TTC7B: variants seen among roughly 807,000 people sequenced by gnomAD.
TTC7B encodes the protein tetratricopeptide repeat domain 7B.
In TTC7B, 28 loss-of-function variants were observed where a neutral mutation model predicts 106.8. The ratio of observed to expected loss-of-function variants is 0.26; its 90% CI spans 0.19 to 0.36. The LOEUF (loss-of-function observed/expected upper bound fraction) is 0.36, where lower values mean the gene tolerates loss of function less well. Among genes scored for constraint, TTC7B ranks in the 10% least tolerant of loss-of-function variants. The probability of loss-of-function intolerance (pLI) is 1.00; values close to 1 mark genes in which losing one functional copy is unlikely to be tolerated. For missense variants in TTC7B, 862 were observed against 1,076.4 expected, an observed-to-expected ratio of 0.80 and a Z score of 2.79; for synonymous variants, 405 against 430.6, an observed-to-expected ratio of 0.94 and a Z score of 0.74.
chr14:90,736,006 G>A (rs1889508100), intron 4 of TTC7B, among the ~76,000 whole-genome samples: 1 of 152,080 alleles, frequency 6.6e-6, no homozygotes, highest in African/African-American at 2.4e-5. Flanking sequence ...ACAGTGTCAT[G>A]TTGGTACAAC....
At chr14:90,723,415 C>G (rs1888969236) in intron 5 of TTC7B, among the ~76,000 whole-genome samples, 1 of 152,242 alleles carries the variant, frequency 6.6e-6, no homozygotes, top group Non-Finnish European at 1.5e-5. Flanking sequence ...CCATCACTCT[C>G]CCACTATATG....
intron 3 of TTC7B, among the ~76,000 whole-genome samples, chr14:90,748,093 T>C (rs1233802024): frequency 6.6e-6 from 1 of 152,228 alleles, no homozygotes; most frequent in Non-Finnish European, 1.5e-5. Context: ...TCTCTAACTT[T>C]TAAATAGGGT....
At chr14:90,640,979 A>G (rs1296392) in intron 15 of TTC7B, among the ~76,000 whole-genome samples, 8,052 of 152,236 alleles carry the variant, frequency 0.053, 691 homozygotes, top group African/African-American at 0.18. Context: ...TACTGGACTA[A>G]CCCTATAACA....
intron 3 of TTC7B, among the ~76,000 whole-genome samples, chr14:90,754,627 T>C (rs1324268428): frequency 6.6e-6 from 1 of 152,204 alleles, no homozygotes; most frequent in African/African-American, 2.4e-5. Flanking sequence ...CCATTAAAAG[T>C]GTACAGTTCG....
intron 19 of TTC7B, among the ~76,000 whole-genome samples, chr14:90,567,920 T>G (rs1255143520): frequency 2.0e-5 from 3 of 152,220 alleles, no homozygotes; most frequent in African/African-American, 7.2e-5. Context: ...ATATTCTCCC[T>G]AGACCTTTGG....
chr14:90,738,806 C>T (rs1366050920), intron 4 of TTC7B, among the ~76,000 whole-genome samples: 3 of 152,252 alleles, frequency 2.0e-5, no homozygotes, highest in South Asian at 2.1e-4. Context: ...TTCATCGTAT[C>T]GCAGAGGCCA....
rs151274032 is a variant in TTC7B at position 90,644,006 on chromosome 14, T to C, written c.1751+42A>G. ...AAGGCAGGGGAAGAAGTAAATTTAA[T>C]AACTTCTGAGTAAGGGAAAACCAAA... On this transcript the variant is annotated intron_variant, in intron 15 of 19. Transcript: ENST00000328459. The C allele has an allele frequency of 1.3e-3, 2,109 of 1,612,744 alleles. 36 individuals carry two copies. The African/African-American group carries it at 0.024, about 18-fold the overall frequency.
chr14:90,740,981 C>T (rs764242863), intron 4 of TTC7B, among the ~76,000 whole-genome samples: 1 of 152,190 alleles, frequency 6.6e-6, no homozygotes, highest in Non-Finnish European at 1.5e-5. Context: ...AGTTAACCCA[C>T]CTCACCTCAC....
At chr14:90,690,003 CT>C (rs1217079420) in intron 6 of TTC7B, among the ~76,000 whole-genome samples, 5 of 152,216 alleles carry the variant, frequency 3.3e-5, no homozygotes, top group African/African-American at 1.2e-4. Context: ...ACAACTGAAA[CT>C]TTTGGCTAAG....
rs111705208 is a variant in TTC7B, at chr14:90,610,079, A to C, written c.1966+663T>G. On this transcript the variant is annotated intron_variant, in intron 17 of 19. Transcript: ENST00000328459. ...GACTTTGTGTTTAGACTTGGGTCCA[A>C]TCCCAGGATATCTCATTATGTTTAT... Among the ~76,000 whole-genome samples, 196 of 152,360 alleles carry C rather than the reference A, an allele frequency of 1.3e-3. 1 individual carries two copies. Among genetic ancestry groups the C allele is most frequent in the African/African-American group, 4.5e-3 (187 of 41,592 alleles).
intron 13 of TTC7B, among the ~76,000 whole-genome samples, chr14:90,648,151 A>G (rs1290434): frequency 0.88 from 133,160 of 152,022 alleles, 58,389 homozygotes; most frequent in Admixed American, 0.91. Flanking sequence ...TGCAAATGTA[A>G]TAGCTCATAT....
Position 90,708,796 on chromosome 14 carries a change from A to G in TTC7B, c.699-13218T>C, listed in dbSNP as rs543812282. Among the ~76,000 whole-genome samples the G allele has an allele frequency of 2.0e-5, 3 of 152,226 alleles. No individual in the cohort carries two copies. In the East Asian group the frequency reaches 5.8e-4, roughly 29 times the overall value. ...TGGATCTGGGAAAAGCAAATTGAAAACCTCTGGAAAGGAATCTACAATGAA... is the reference window on the plus strand; with the variant it reads ...TGGATCTGGGAAAAGCAAATTGAAAGCCTCTGGAAAGGAATCTACAATGAA... On this transcript the variant is annotated intron_variant, in intron 5 of 19. Coordinates refer to ENST00000328459, the MANE Select transcript of TTC7B (RefSeq NM_001010854.2).
chr14:90,737,151 A>G (rs796750908), intron 4 of TTC7B, among the ~76,000 whole-genome samples: 4 of 152,340 alleles, frequency 2.6e-5, no homozygotes, highest in East Asian at 3.9e-4. Context: ...CATACTTATG[A>G]CATAGTTTAT....
At chr14:90,724,948 A>G (rs1350351488) in intron 5 of TTC7B, among the ~76,000 whole-genome samples, 1 of 152,116 alleles carries the variant, frequency 6.6e-6, no homozygotes, top group Non-Finnish European at 1.5e-5. Context: ...CCATGTCATA[A>G]CCTTTAAAGG....
chr14:90,726,993 G>A (rs1309204968), intron 5 of TTC7B, among the ~76,000 whole-genome samples: 1 of 151,938 alleles, frequency 6.6e-6, no homozygotes. Flanking sequence ...TGCCTCATAA[G>A]GAAAGAGGGA....
In TTC7B at chr14:90,716,374, C is replaced by A. The variant is rs138058877; in HGVS notation, c.698+13701G>T. ...TCTGGCTAAAATGACTTCACAGATTCTTTTGCTAAAACTGGATTTTACATG... is the reference window on the plus strand; with the variant it reads ...TCTGGCTAAAATGACTTCACAGATTATTTTGCTAAAACTGGATTTTACATG... On this transcript the variant is annotated intron_variant, in intron 5 of 19. Coordinates refer to ENST00000328459, the MANE Select transcript of TTC7B (RefSeq NM_001010854.2). Among the ~76,000 whole-genome samples, 11 of 152,314 alleles carry A rather than the reference C, an allele frequency of 7.2e-5. 1 individual carries two copies. The East Asian group carries it at 2.1e-3, about 29-fold the overall frequency.
intron 4 of TTC7B, among the ~76,000 whole-genome samples, chr14:90,737,553 T>C (rs866919722): frequency 0.091 from 12,579 of 137,538 alleles, 1,282 homozygotes; most frequent in African/African-American, 0.28. Context: ...TCTGTTTTTT[T>C]TTTTTTTTTT....
At chr14:90,645,349 G>A (rs1228256502) in intron 14 of TTC7B, among the ~76,000 whole-genome samples, 1 of 152,214 alleles carries the variant, frequency 6.6e-6, no homozygotes, top group African/African-American at 2.4e-5. Context: ...ACAGTTGGAA[G>A]AGAGACCATT....
rs1482556524 is a variant in TTC7B at position 90,537,019 on chromosome 14, G to A, written c.*4349C>T. The A allele has an allele frequency of 5.9e-5, 9 of 152,276 alleles. No individual in the cohort carries two copies. 9.4% of individuals were successfully genotyped at this position (152,276 alleles called of 1,614,324 possible). ...GAAAGGTGACGTGAGGTGGCCACGAGCCAAGGCCGCAGGAAGCCTCTAGCC... is the reference window on the plus strand; with the variant it reads ...GAAAGGTGACGTGAGGTGGCCACGAACCAAGGCCGCAGGAAGCCTCTAGCC... On this transcript the variant is annotated 3_prime_UTR_variant, in exon 20 of 20. Coordinates refer to ENST00000328459, the MANE Select transcript of TTC7B (RefSeq NM_001010854.2).
Sources: gnomAD v4.1 joint callset for allele counts (sites outside exome capture counted in the v4.1 genomes callset) on GRCh38, gnomAD v4.1.1 for gene constraint, MANE v1.5 for transcripts, NCBI Gene and HGNC (gene_info 2026-07-23, HGNC 2026-07-21) for gene names.